The following KATNB1 variants were observed in gnomAD, a reference collection of about 807,000 sequenced individuals.
KATNB1 encodes katanin regulatory subunit B1.
Under a neutral mutation model 82.3 loss-of-function variants are expected in KATNB1, and 38 were observed. The observed-to-expected ratio is 0.46, with a 90% CI of 0.36 to 0.61. The LOEUF is 0.61. Ranked by LOEUF, KATNB1 falls within the 20% of genes least tolerant of loss-of-function variation. The pLI is 0.00. For missense variants in KATNB1, 749 were observed against 915.7 expected (o/e 0.82, Z 2.35); for synonymous variants, 361 against 368.7 (o/e 0.98, Z 0.24).
chr16:57,745,993 A>G (rs78638659), intron 4 of KATNB1, among the ~76,000 whole-genome samples: 11,893 of 152,058 alleles, frequency 0.078, 829 homozygotes, highest in East Asian at 0.17. Context: ...TCTCTGGGGA[A>G]TTCTCTCCAT....
At chr16:57,754,867 A>G in intron 13 of KATNB1, 63 bp from the exon 14 acceptor site, 1 of 1,548,434 alleles carries the variant, frequency 6.5e-7, no homozygotes, top group Non-Finnish European at 8.9e-7. Context: ...TCCCGCCCTG[A>G]GCCCTGCCCT....
At chr16:57,752,430 C>G in intron 8 of KATNB1, 100 bp from the exon 9 acceptor site, 1 of 1,099,768 alleles carries the variant, frequency 9.1e-7, no homozygotes, top group Non-Finnish European at 1.3e-6. Flanking sequence ...GGTGGCCCTG[C>G]CCTGGGGGAG....
rs1567902749 is a variant in KATNB1 at position 57,753,983 on chromosome 16, C to T, written c.1216C>T (p.Pro406Ser). ...CCGGAGAAGTGAGCCCTTCCCTGCA[C>T]CCCCAGAGGACGGTGAGTTGGGTGA... ...PPRRSEPFPA[P>S]PEDDAATAKE... Residue 406 changes from proline to serine, a missense_variant, in exon 13 of 20, where the codon CCC (proline) becomes TCC (serine). Pro to Ser is a moderately conservative substitution (Grantham distance 74). Transcript: ENST00000379661. The T allele has an allele frequency of 5.6e-6, 9 of 1,613,456 alleles. No individual in the cohort carries two copies. Among genetic ancestry groups the T allele is most frequent in the Non-Finnish European group, 7.6e-6 (9 of 1,179,852 alleles).
In KATNB1 at chr16:57,740,178, C is replaced by T. The variant is rs530247990; in HGVS notation, c.41-1509C>T. ...CATCGAGACGGGACTAAAGTGGGGC[C>T]CAGCTCCCTGGGATCCCCATGGCGA... On this transcript the variant is annotated intron_variant, in intron 2 of 19. Transcript: ENST00000379661. Among the ~76,000 whole-genome samples, 178 of 152,322 alleles carry T rather than the reference C, an allele frequency of 1.2e-3. 1 individual carries two copies. The South Asian group carries it at 0.02, about 17-fold the overall frequency.
At chr16:57,747,256 G>A (rs77663306) in intron 4 of KATNB1, among the ~76,000 whole-genome samples, 6,494 of 152,306 alleles carry the variant, frequency 0.043, 275 homozygotes, top group East Asian at 0.14. Flanking sequence ...TGAAGCCCTG[G>A]AGAGGAAGCA....
intron 19 of KATNB1, 36 bp downstream of exon 19, chr16:57,756,508 AC>A (rs1555586672): frequency 7.7e-6 from 12 of 1,549,452 alleles, no homozygotes; most frequent in African/African-American, 1.4e-5. Context: ...CAGGGGTGCC[AC>A]AACAGGTGAG....
intron 8 of KATNB1, 73 bp downstream of exon 8, chr16:57,752,128 A>G: frequency 1.0e-6 from 1 of 953,142 alleles, no homozygotes; most frequent in Admixed American, 1.9e-5. Flanking sequence ...GCGTGTCTCT[A>G]CTGCCGGTCT....
intron 3 of KATNB1, among the ~76,000 whole-genome samples, chr16:57,743,723 G>A (rs2049160500): frequency 6.6e-6 from 1 of 152,256 alleles, no homozygotes; most frequent in Admixed American, 6.5e-5. Context: ...GCCTGCCGGG[G>A]TCTCTCTCCC....
rs375305008 is a variant in KATNB1 at position 57,745,240 on chromosome 16, G to A, written c.289+729G>A. 5.3e-5 allele frequency among the ~76,000 whole-genome samples: 8 copies of A among 152,174 alleles called. No individual in the cohort carries two copies. The East Asian group carries it at 7.7e-4, about 15-fold the overall frequency. ...TATTTAAAAAACACCGTGGCCAGGC[G>A]CAGTGGCTCACGCCTATAATCCCAG... On this transcript the variant is annotated intron_variant, in intron 4 of 19. Coordinates refer to ENST00000379661, the MANE Select transcript of KATNB1 (RefSeq NM_005886.3).
chr16:57,756,196 C>G, intron 18 of KATNB1, 130 bp downstream of exon 18: 1 of 1,190,800 alleles, frequency 8.4e-7, no homozygotes. Context: ...CATTGCTGCC[C>G]CTCAACAGTC....
intron 4 of KATNB1, among the ~76,000 whole-genome samples, chr16:57,746,536 C>T (rs958018206): frequency 1.3e-5 from 2 of 152,186 alleles, no homozygotes; most frequent in South Asian, 2.1e-4. Context: ...CGGAGAGTCT[C>T]GCCCACTGCT....
At position 57,753,442 on chromosome 16, in the gene KATNB1, G is replaced by A. The variant is rs1271670447; in HGVS notation, c.1100G>A (p.Arg367Gln). 7 of 1,612,990 alleles carry A rather than the reference G, an allele frequency of 4.3e-6. No homozygotes were observed. The highest frequency in any genetic ancestry group is 1.3e-5 in the African/African-American group (1 of 74,930). ...ERRSPSSEDD[R>Q]DERESRAEIQ... ...CGCAGCCCCAGCAGCGAGGATGACCGGGACGAGCGCGAGTCCCGCGCGGAG... is the reference window on the plus strand; with the variant it reads ...CGCAGCCCCAGCAGCGAGGATGACCAGGACGAGCGCGAGTCCCGCGCGGAG... Residue 367 changes from arginine (R) to glutamine (Q), a missense_variant, in exon 12 of 20, where the codon CGG becomes CAG. Around this residue, in one of 3 missense-constraint regions of KATNB1, gnomAD observed 407 missense variants for 434.7 expected, o/e 0.94. Transcript: ENST00000379661.
intron 19 of KATNB1, 140 bp from the exon 20 acceptor site, chr16:57,756,674 C>G: frequency 2.9e-6 from 4 of 1,372,310 alleles, no homozygotes; most frequent in Non-Finnish European, 3.9e-6. Context: ...CAATCCCTGG[C>G]AGGGCCTGGG....
rs1441416056 is a variant in KATNB1, at chr16:57,752,578, C to G, written c.681C>G (p.Ile227Met). ...AGAAGTTCCAGGTGGTGAGCTGCAT[C>G]GAAGGGGAGCCTGGGCCCGTCAGGT... ...DLEKFQVVSC[I>M]EGEPGPVRSV... is the part of the protein sequence containing the mutation. The change falls in exon 9 of 20, where the codon ATC becomes ATG. Residue 227 changes from isoleucine (I) to methionine (M), a missense_variant. Physicochemically the swap from Ile to Met is conservative, Grantham distance 10. Transcript: ENST00000379661. 4 of 1,569,250 alleles carry G rather than the reference C, an allele frequency of 2.5e-6. No homozygotes were observed. Among genetic ancestry groups the G allele is most frequent in the Non-Finnish European group, 2.6e-6 (3 of 1,157,232 alleles).
intron 2 of KATNB1, among the ~76,000 whole-genome samples, chr16:57,739,632 C>T (rs1161887542): frequency 6.6e-6 from 1 of 152,204 alleles, no homozygotes; most frequent in African/African-American, 2.4e-5. Flanking sequence ...GGTGCCTGTG[C>T]TGTGTCCCTG....
At chr16:57,750,991 C>T in intron 5 of KATNB1, 64 bp downstream of exon 5, 2 of 1,350,940 alleles carry the variant, frequency 1.5e-6, no homozygotes, top group Non-Finnish European at 2.1e-6. Context: ...CCCGGCCCGG[C>T]CCTCAGTGCT....
At chr16:57,740,592 G>A (rs1287418489) in intron 2 of KATNB1, among the ~76,000 whole-genome samples, 1 of 152,240 alleles carries the variant, frequency 6.6e-6, no homozygotes, top group Non-Finnish European at 1.5e-5. Context: ...GCCTGTGTGG[G>A]GAGAACTGTC....
intron 4 of KATNB1, among the ~76,000 whole-genome samples, chr16:57,746,352 CT>C (rs2049184138): frequency 6.8e-6 from 1 of 148,042 alleles, no homozygotes; most frequent in Non-Finnish European, 1.5e-5. Context: ...CTTCCTTCCT[CT>C]CTCTCTCTCT....
In KATNB1 at chr16:57,751,366, C is replaced by T. The variant is rs1325459947; in HGVS notation, c.432+64C>T. The T allele has an allele frequency of 1.2e-5, 18 of 1,488,050 alleles. No individual in the cohort carries two copies. The highest frequency in any genetic ancestry group is 1.7e-5 in the Non-Finnish European group (18 of 1,065,608). The allele number at this position is 1,488,050 out of a possible 1,614,324, so 92.2% of individuals were successfully genotyped here. A position where few individuals can be genotyped will look rare whatever the true frequency, so the allele number is the denominator to read the frequency against. On this transcript the variant is annotated intron_variant, in intron 6 of 19. Transcript: ENST00000379661. This position sits in a 1 kb window ranked among gnomAD's most constrained non-coding sequence, Gnocchi z 6.3. ...GCGGGCATTGAGTGTGGTGTGGTGC[C>T]CAGACCCCAGCAGGGGGTGGAGGGG...
Sources: gnomAD v4.1 joint callset for allele counts (sites outside exome capture counted in the v4.1 genomes callset) on GRCh38, gnomAD v4.1.1 for gene constraint, gnomAD v4.1.1 regional missense constraint, Gnocchi (gnomAD v3.1) non-coding constraint, MANE v1.5 for transcripts, NCBI Gene and HGNC (gene_info 2026-07-23, HGNC 2026-07-21) for gene names.